Variants in LRP11 observed in about 807,000 individuals in gnomAD.
LRP11 encodes LDL receptor related protein 11, also known as low-density lipoprotein receptor-related protein 11.
Under a neutral mutation model 43.1 loss-of-function variants are expected in LRP11, and 25 were observed. That is an observed-to-expected ratio of 0.58 (90% CI 0.42 to 0.81). The LOEUF is 0.81. LRP11 is among the 30% of genes least tolerant of loss of function. The pLI, the probability that LRP11 is intolerant of heterozygous loss-of-function variation, is 0.00. For missense variants in LRP11, 623 were observed against 665.1 expected, an observed-to-expected ratio of 0.94 and a Z score of 0.70; for synonymous variants, 316 against 299.4, an observed-to-expected ratio of 1.06 and a Z score of -0.57.
intron 6 of LRP11, among the ~76,000 whole-genome samples, chr6:149,822,316 G>A (rs999273726): frequency 4.0e-5 from 6 of 151,830 alleles, no homozygotes; most frequent in Non-Finnish European, 8.8e-5. Context: ...CTCCAGCCTG[G>A]GTGACAGTGT....
At chr6:149,824,069 C>T (rs1776307869) in intron 6 of LRP11, among the ~76,000 whole-genome samples, 1 of 151,928 alleles carries the variant, frequency 6.6e-6, no homozygotes. Flanking sequence ...AGGAACAGGA[C>T]AAAAAAAGAG....
intron 2 of LRP11, among the ~76,000 whole-genome samples, chr6:149,845,890 C>G (rs1005160079): frequency 1.3e-5 from 2 of 151,968 alleles, no homozygotes; most frequent in African/African-American, 2.4e-5. Flanking sequence ...ATCCTTCTAT[C>G]TCACCTCCAA....
At chr6:149,822,839 G>A (rs1051626002) in intron 6 of LRP11, among the ~76,000 whole-genome samples, 14 of 152,142 alleles carry the variant, frequency 9.2e-5, no homozygotes, top group African/African-American at 3.4e-4. Context: ...GGCTGAAGGA[G>A]GTAAGTTTAT....
At chr6:149,825,894 C>T (rs1209193812) in intron 6 of LRP11, among the ~76,000 whole-genome samples, 1 of 152,218 alleles carries the variant, frequency 6.6e-6, no homozygotes, top group East Asian at 1.9e-4. Context: ...AGCGATCCTC[C>T]TGCCTTGGCC....
intron 2 of LRP11, among the ~76,000 whole-genome samples, chr6:149,846,457 C>A (rs527708964): frequency 9.2e-5 from 14 of 152,284 alleles, no homozygotes; most frequent in Admixed American, 3.9e-4. Context: ...TGAAAGCAGA[C>A]AAGAAGCCCT....
intron 2 of LRP11, among the ~76,000 whole-genome samples, chr6:149,846,117 G>A (rs946222312): frequency 6.6e-6 from 1 of 152,146 alleles, no homozygotes; most frequent in African/African-American, 2.4e-5. Context: ...TGAGAGGAAG[G>A]TCAGTTATGG....
At chr6:149,845,801 A>G (rs565266828) in intron 2 of LRP11, among the ~76,000 whole-genome samples, 6 of 152,232 alleles carry the variant, frequency 3.9e-5, no homozygotes, top group East Asian at 1.9e-4. Context: ...ATCTGGTCAG[A>G]TAAGATCAGA....
chr6:149,859,396 A>ATATATTTTTTT, intron 1 of LRP11, among the ~76,000 whole-genome samples: 4 of 71,498 alleles, frequency 5.6e-5, no homozygotes, highest in Admixed American at 1.7e-4. Context: ...ATATATATAT[A>ATATATTTTTTT]TTTTTTTTTT....
At chr6:149,831,580 G>T (rs969668937) in intron 5 of LRP11, among the ~76,000 whole-genome samples, 2 of 152,244 alleles carry the variant, frequency 1.3e-5, no homozygotes, top group Non-Finnish European at 2.9e-5. Context: ...GCATTCGCTG[G>T]TGTAACTGAA....
intron 1 of LRP11, among the ~76,000 whole-genome samples, chr6:149,860,763 C>T (rs1776879994): frequency 6.6e-6 from 1 of 152,202 alleles, no homozygotes; most frequent in Non-Finnish European, 1.5e-5. Flanking sequence ...CTACCTCTAC[C>T]CTCGCAGTCC....
At chr6:149,851,908 C>T (rs142798032) in intron 2 of LRP11, among the ~76,000 whole-genome samples, 66 of 152,258 alleles carry the variant, frequency 4.3e-4, no homozygotes, top group Non-Finnish European at 8.2e-4. Flanking sequence ...GTATAATCAC[C>T]GCAGAAGGCA....
At chr6:149,823,118 C>T (rs1776296996) in intron 6 of LRP11, among the ~76,000 whole-genome samples, 1 of 152,090 alleles carries the variant, frequency 6.6e-6, no homozygotes, top group Non-Finnish European at 1.5e-5. Context: ...AGGAGGACAA[C>T]CGCTATAGTA....
At chr6:149,862,577 CTTTTTTTT>C (rs10553273) in intron 1 of LRP11, among the ~76,000 whole-genome samples, 3 of 126,206 alleles carry the variant, frequency 2.4e-5, no homozygotes, top group Non-Finnish European at 3.2e-5. Context: ...TTTTCTTTTC[CTTTTTTTT>C]TTTTTTTTTT....
chr6:149,853,507 A>G (rs1776754503), intron 1 of LRP11, among the ~76,000 whole-genome samples: 1 of 152,156 alleles, frequency 6.6e-6, no homozygotes, highest in Non-Finnish European at 1.5e-5. Context: ...ATTTATTTTA[A>G]AAGATTATTA....
intron 1 of LRP11, among the ~76,000 whole-genome samples, chr6:149,855,944 T>G (rs1279313898): frequency 6.6e-6 from 1 of 152,174 alleles, no homozygotes; most frequent in African/African-American, 2.4e-5. Flanking sequence ...TTCTGCCAGG[T>G]AAGGAGAGAT....
At chr6:149,841,171 T>C (rs921513540) in intron 3 of LRP11, among the ~76,000 whole-genome samples, 1 of 152,236 alleles carries the variant, frequency 6.6e-6, no homozygotes, top group Non-Finnish European at 1.5e-5. Context: ...CTCTAACTCC[T>C]TAGAAAATTT....
intron 2 of LRP11, among the ~76,000 whole-genome samples, chr6:149,848,385 TAC>T (rs1776670857): frequency 6.6e-6 from 1 of 152,184 alleles, no homozygotes; most frequent in African/African-American, 2.4e-5. Context: ...ACTAGGTATA[TAC>T]CCAAAGAATA....
intron 2 of LRP11, among the ~76,000 whole-genome samples, chr6:149,850,032 C>T (rs1189744839): frequency 6.6e-6 from 1 of 151,962 alleles, no homozygotes; most frequent in Admixed American, 6.6e-5. Flanking sequence ...TGGTGGAGAG[C>T]AGGGGAGATG....
At position 149,842,949 on chromosome 6, in the gene LRP11, G is replaced by C. The variant is rs756233277; in HGVS notation, c.913+34C>G. The C allele has an allele frequency of 3.7e-6, 6 of 1,612,298 alleles. No individual in the cohort carries two copies. In the South Asian group the frequency reaches 6.6e-5, roughly 18 times the overall value. Reference sequence around the variant, plus strand: ...GCCAACCCGACATTGCCTTCCACAAGCAGTGGGAAGCGAGGGAAGGACTTT... The same window carrying C: ...GCCAACCCGACATTGCCTTCCACAACCAGTGGGAAGCGAGGGAAGGACTTT... On this transcript the variant is annotated intron_variant, in intron 3 of 6. Coordinates refer to ENST00000239367, the MANE Select transcript of LRP11 (RefSeq NM_032832.6).
Sources: allele counts gnomAD v4.1 joint callset (sites outside exome capture counted in the v4.1 genomes callset), GRCh38; gene constraint gnomAD v4.1.1; transcripts MANE v1.5; gene names NCBI Gene and HGNC (gene_info 2026-07-23, HGNC 2026-07-21).